SPATA31D1: variants seen among roughly 807,000 people sequenced by gnomAD.
SPATA31D1 encodes the protein SPATA31 subfamily D member 1.
In SPATA31D1, 6 loss-of-function variants were observed where a neutral mutation model predicts 13.2. The ratio of observed to expected loss-of-function variants is 0.46; its 90% CI spans 0.25 to 0.90. The LOEUF (loss-of-function observed/expected upper bound fraction) is 0.90, where lower values mean the gene tolerates loss of function less well. Among genes scored for constraint, SPATA31D1 ranks in the 40% least tolerant of loss-of-function variants. The pLI is 0.18. For missense variants in SPATA31D1, 2,445 were observed against 1,884.7 expected (o/e 1.30, Z -5.50); for synonymous variants, 903 against 718.8 (o/e 1.26, Z -4.10).
In SPATA31D1 at chr9:81,991,117, C is replaced by T; in HGVS notation, c.647C>T (p.Pro216Leu). 2 of 1,613,698 alleles carry T rather than the reference C, an allele frequency of 1.2e-6. No homozygotes were observed. Among genetic ancestry groups the T allele is most frequent in the Non-Finnish European group, 1.7e-6 (2 of 1,179,700 alleles). ...TTLADLFSPSPLRDPLPPQPV... is the reference protein window; with the variant it reads ...TTLADLFSPSLLRDPLPPQPV... ...TTAGCTGACTTATTTTCACCCTCAC[C>T]ACTGAGGGACCCTCTGCCACCACAG... Residue 216 changes from proline to leucine, a missense_variant, in exon 4 of 4, where the codon CCA (proline) becomes CTA (leucine). Pro to Leu is a moderately conservative substitution (Grantham distance 98). Coordinates refer to ENST00000344803, the MANE Select transcript of SPATA31D1 (RefSeq NM_001001670.3).
rs1376849246 is a variant in SPATA31D1, at chr9:81,991,452, T to G, written c.982T>G (p.Leu328Val). ...CATCTTGAAGACTTTTCCGGAAATGTTATCTCTAGGTGGCTCTGGTGGGTC... is the reference window on the plus strand; with the variant it reads ...CATCTTGAAGACTTTTCCGGAAATGGTATCTCTAGGTGGCTCTGGTGGGTC... Reference protein sequence around the residue: ...LTILKTFPEMLSLGGSGGSST... With the variant: ...LTILKTFPEMVSLGGSGGSST... Residue 328 changes from leucine (L) to valine (V), a missense_variant, in exon 4 of 4, where the codon TTA (leucine) becomes GTA (valine). Coordinates refer to ENST00000344803, the MANE Select transcript of SPATA31D1 (RefSeq NM_001001670.3). 3.7e-6 allele frequency: 6 copies of G among 1,614,028 alleles called. No homozygotes were observed. The highest frequency in any genetic ancestry group is 1.1e-5 in the South Asian group (1 of 91,082).
chr9:81,991,474 G>A lies in SPATA31D1; in HGVS notation c.1004G>A (p.Gly335Glu). The A allele has an allele frequency of 6.2e-7, 1 of 1,613,888 alleles. No homozygotes were observed. The highest frequency in any genetic ancestry group is 1.1e-5 in the South Asian group (1 of 91,080). Residue 335 changes from glycine to glutamate, a missense_variant, in exon 4 of 4, where the codon GGG (glycine) becomes GAG (glutamate). Coordinates refer to ENST00000344803, the MANE Select transcript of SPATA31D1 (RefSeq NM_001001670.3). ...PEMLSLGGSGGSSTSAPTIKG... is the reference protein window; with the variant it reads ...PEMLSLGGSGESSTSAPTIKG... ...ATGTTATCTCTAGGTGGCTCTGGTG[G>A]GTCATCCACCTCTGCCCCAACAATC...
rs1825052944 is a variant in SPATA31D1 at position 81,994,472 on chromosome 9, C to T, written c.4002C>T (p.Ser1334=). The T allele has an allele frequency of 6.2e-7, 1 of 1,613,194 alleles. No individual in the cohort carries two copies. The highest frequency in any genetic ancestry group is 8.5e-7 in the Non-Finnish European group (1 of 1,179,578). The change falls in exon 4 of 4, where the codon AGC becomes AGT. Residue 1334 remains serine, a synonymous_variant. Transcript: ENST00000344803. The part of the protein sequence containing the change: ...HNKTSGEVLG[S]KSSPTLKTQP... ...AGACATCAGGGGAGGTGCTTGGGAGCAAATCTTCCCCAACCTTGAAAACAC... is the reference window on the plus strand; with the variant it reads ...AGACATCAGGGGAGGTGCTTGGGAGTAAATCTTCCCCAACCTTGAAAACAC...
Position 81,994,612 on chromosome 9 carries a change from T to C in SPATA31D1, c.4142T>C (p.Leu1381Pro). 2.5e-6 allele frequency: 4 copies of C among 1,613,050 alleles called. No homozygotes were observed. The highest frequency in any genetic ancestry group is 1.7e-5 in the Admixed American group (1 of 59,854). Residue 1381 changes from leucine (L) to proline (P), a missense_variant, in exon 4 of 4, where the codon CTG becomes CCG. Coordinates refer to ENST00000344803, the MANE Select transcript of SPATA31D1 (RefSeq NM_001001670.3). ...AGTTCCTGGGAAAAGGGTAGCTCCCTGTCATCATGTGTGCAGAATATTGGT... is the reference window on the plus strand; with the variant it reads ...AGTTCCTGGGAAAAGGGTAGCTCCCCGTCATCATGTGTGCAGAATATTGGT... ...QESSWEKGSSLSSCVQNIGRV... is the reference protein window; with the variant it reads ...QESSWEKGSSPSSCVQNIGRV...
At position 81,991,297 on chromosome 9, in the gene SPATA31D1, C is replaced by G. The variant is rs538227393; in HGVS notation, c.827C>G (p.Ser276Cys). ...LSLNTIFSFG[S>C]TLCQDISQAM... is the part of the protein sequence containing the mutation. ...CTGAACACCATCTTTTCATTTGGCT[C>G]CACCCTATGCCAAGATATTTCGCAG... Residue 276 changes from serine (S) to cysteine (C), a missense_variant, in exon 4 of 4, where the codon TCC becomes TGC. Transcript: ENST00000344803. 1 of 1,614,026 alleles carries G rather than the reference C, an allele frequency of 6.2e-7. No homozygotes were observed. The highest frequency in any genetic ancestry group is 1.1e-5 in the South Asian group (1 of 91,088).
chr9:81,993,386 A>G lies in SPATA31D1; in HGVS notation c.2916A>G (p.Glu972=), dbSNP rs138953922. 2.3e-5 allele frequency: 37 copies of G among 1,614,008 alleles called. No homozygotes were observed. In the African/African-American group the frequency reaches 3.1e-4, roughly 13 times the overall value. The change falls in exon 4 of 4, where the codon GAA becomes GAG. Residue 972 remains glutamate, a synonymous_variant. Transcript: ENST00000344803. ...GTAGTCGAAGCACTTTTCAAGGAGA[A>G]AAGTTGGGAACAACAAGCTCAGTCC... The part of the protein sequence containing the change: ...KSRSRSTFQG[E]KLGTTSSVPI...
chr9:81,987,608 C>T (rs1211157473), upstream of SPATA31D1, among the ~76,000 whole-genome samples: 3 of 152,074 alleles, frequency 2.0e-5, no homozygotes, highest in African/African-American at 4.8e-5. Flanking sequence ...TCACTAACTT[C>T]AGAAAAGTAA....
chr9:81,993,756 A>G lies in SPATA31D1; in HGVS notation c.3286A>G (p.Ile1096Val), dbSNP rs368572276. Reference protein sequence around the residue: ...RQTFLPPPHSIVDEVSQKQTV... With the variant: ...RQTFLPPPHSVVDEVSQKQTV... ...GACTTTTCTGCCCCCGCCACACAGC[A>G]TCGTAGACGAAGTCAGTCAGAAACA... The change falls in exon 4 of 4, where the codon ATC (isoleucine) becomes GTC (valine). Residue 1096 changes from isoleucine (I) to valine (V), a missense_variant. Ile to Val is a conservative substitution (Grantham distance 29). Coordinates refer to ENST00000344803, the MANE Select transcript of SPATA31D1 (RefSeq NM_001001670.3). 6.2e-7 allele frequency: 1 copy of G among 1,613,930 alleles called. No individual in the cohort carries two copies. The highest frequency in any genetic ancestry group is 8.5e-7 in the Non-Finnish European group (1 of 1,179,906).
Position 81,994,794 on chromosome 9 carries a change from C to T in SPATA31D1, c.4324C>T (p.Gln1442Ter). ...CTTCCCAGTGGGGCTTGGGAAAGCT[C>T]AGCACAACCCAGAAGTGCATGTCAG... is the stretch of plus-strand genomic sequence containing the variant. ...LSFPVGLGKA[Q>*]HNPEVHVRAE... The change falls in exon 4 of 4, where the codon CAG (glutamine) becomes TAG (stop). Residue 1442 changes from glutamine (Q) to a stop codon, truncating the protein, a stop_gained. Transcript: ENST00000344803. LOFTEE classifies it low-confidence loss of function (END_TRUNC). 1 of 1,613,920 alleles carries T rather than the reference C, an allele frequency of 6.2e-7. No individual in the cohort carries two copies. Among genetic ancestry groups the T allele is most frequent in the Non-Finnish European group, 8.5e-7 (1 of 1,179,860 alleles).
rs1476594685 is a variant in SPATA31D1, at chr9:81,991,289, A to G, written c.819A>G (p.Ser273=). Residue 273 remains serine (S), a synonymous_variant, in exon 4 of 4, where the codon TCA becomes TCG. Transcript: ENST00000344803. ...GTTTGTCTCTGAACACCATCTTTTCATTTGGCTCCACCCTATGCCAAGATA... is the reference window on the plus strand; with the variant it reads ...GTTTGTCTCTGAACACCATCTTTTCGTTTGGCTCCACCCTATGCCAAGATA... ...EASLSLNTIF[S]FGSTLCQDIS... 6.2e-7 allele frequency: 1 copy of G among 1,613,872 alleles called. No homozygotes were observed.
chr9:81,993,343 A>T lies in SPATA31D1; in HGVS notation c.2873A>T (p.Asp958Val). 6.2e-7 allele frequency: 1 copy of T among 1,613,956 alleles called. No homozygotes were observed. The highest frequency in any genetic ancestry group is 1.3e-5 in the African/African-American group (1 of 75,008). ...ATFISQGDSKDGVSKSRSRST... is the reference protein window; with the variant it reads ...ATFISQGDSKVGVSKSRSRST... ...TTCATCTCTCAGGGAGATTCCAAAG[A>T]TGGGGTCTCTAAGTCCCGTAGTCGA... Residue 958 changes from aspartate (D) to valine (V), a missense_variant, in exon 4 of 4, where the codon GAT becomes GTT. Physicochemically the swap from Asp to Val is radical, Grantham distance 152. Coordinates refer to ENST00000344803, the MANE Select transcript of SPATA31D1 (RefSeq NM_001001670.3).
Position 81,991,271 on chromosome 9 carries a change from T to C in SPATA31D1, c.801T>C (p.Ser267=), listed in dbSNP as rs1824953055. The change falls in exon 4 of 4, where the codon TCT becomes TCC. Residue 267 remains serine (S), a synonymous_variant. Coordinates refer to ENST00000344803, the MANE Select transcript of SPATA31D1 (RefSeq NM_001001670.3). ...GCCTCCAACCTGAAGCCAGTTTGTC[T>C]CTGAACACCATCTTTTCATTTGGCT... ...ESSLQPEASL[S]LNTIFSFGST... 1 of 1,613,910 alleles carries C rather than the reference T, an allele frequency of 6.2e-7. No homozygotes were observed. Among genetic ancestry groups the C allele is most frequent in the African/African-American group, 1.3e-5 (1 of 74,928 alleles).
In SPATA31D1 at chr9:81,990,823, A is replaced by T; in HGVS notation, c.353A>T (p.Asn118Ile). ...CCTCGGGGCCAGCATCATGATACCAACCACTTTCGTCGACTGTTATGCCCA... is the reference window on the plus strand; with the variant it reads ...CCTCGGGGCCAGCATCATGATACCATCCACTTTCGTCGACTGTTATGCCCA... Reference protein sequence around the residue: ...CSPRGQHHDTNHFRRLLCPDP... With the variant: ...CSPRGQHHDTIHFRRLLCPDP... The change falls in exon 4 of 4, where the codon AAC (asparagine) becomes ATC (isoleucine). Residue 118 changes from asparagine to isoleucine, a missense_variant. Coordinates refer to ENST00000344803, the MANE Select transcript of SPATA31D1 (RefSeq NM_001001670.3). 1.2e-6 allele frequency: 2 copies of T among 1,613,530 alleles called. No individual in the cohort carries two copies. The highest frequency in any genetic ancestry group is 1.7e-6 in the Non-Finnish European group (2 of 1,179,746).
rs556150583 is a variant in SPATA31D1 at position 81,993,688 on chromosome 9, A to G, written c.3218A>G (p.Asn1073Ser). 6.2e-7 allele frequency: 1 copy of G among 1,613,866 alleles called. No homozygotes were observed. The highest frequency in any genetic ancestry group is 8.5e-7 in the Non-Finnish European group (1 of 1,179,812). ...AGAAGAGAATTCTCTGATACTGACA[A>G]TGATCTTACAGAAAGTGTCCGGACA... ...TLRREFSDTD[N>S]DLTESVRTTE... The change falls in exon 4 of 4, where the codon AAT (asparagine) becomes AGT (serine). Residue 1073 changes from asparagine to serine, a missense_variant. By Grantham distance (46) the Asn-to-Ser change is conservative. Coordinates refer to ENST00000344803, the MANE Select transcript of SPATA31D1 (RefSeq NM_001001670.3).
Position 81,994,713 on chromosome 9 carries a change from G to A in SPATA31D1, c.4243G>A (p.Glu1415Lys). 1 of 1,613,878 alleles carries A rather than the reference G, an allele frequency of 6.2e-7. No homozygotes were observed. ...GAAAGACACTAGGGAGTTCCTAGAA[G>A]AGAAGCTGGGGCATAGGCATGGGAT... ...IRKDTREFLE[E>K]KLGHRHGIDI... Residue 1415 changes from glutamate to lysine, a missense_variant, in exon 4 of 4, where the codon GAG (glutamate) becomes AAG (lysine). Coordinates refer to ENST00000344803, the MANE Select transcript of SPATA31D1 (RefSeq NM_001001670.3).
In SPATA31D1 at chr9:81,993,733, C is replaced by G. The variant is rs766697377; in HGVS notation, c.3263C>G (p.Thr1088Ser). The G allele has an allele frequency of 1.2e-6, 2 of 1,614,014 alleles. No individual in the cohort carries two copies. The highest frequency in any genetic ancestry group is 4.5e-5 in the East Asian group (2 of 44,870). Residue 1088 changes from threonine (T) to serine (S), a missense_variant, in exon 4 of 4, where the codon ACT becomes AGT. Transcript: ENST00000344803. ...CGGACAACAGAGGATGGCAGACAGA[C>G]TTTTCTGCCCCCGCCACACAGCATC... is the stretch of plus-strand genomic sequence containing the variant. ...SVRTTEDGRQ[T>S]FLPPPHSIVD... is the part of the protein sequence containing the mutation.
chr9:81,991,904 A>G lies in SPATA31D1; in HGVS notation c.1434A>G (p.Glu478=), dbSNP rs763304505. The G allele has an allele frequency of 2.7e-5, 44 of 1,613,656 alleles. No homozygotes were observed. Among genetic ancestry groups the G allele is most frequent in the Middle Eastern group, 3.3e-4 (2 of 6,078 alleles). ...TTTGGGCCAGTAAAGGCAAACTAGA[A>G]TGGCAGCACATCCATCAGCAGCCTC... ...FPFWASKGKL[E]WQHIHQQPPH... is the part of the protein sequence containing the mutation. Residue 478 remains glutamate (E), a synonymous_variant, in exon 4 of 4, where the codon GAA becomes GAG. Coordinates refer to ENST00000344803, the MANE Select transcript of SPATA31D1 (RefSeq NM_001001670.3).
intron 3 of SPATA31D1, 70 bp downstream of exon 3, chr9:81,990,556 C>T: frequency 6.8e-7 from 1 of 1,468,210 alleles, no homozygotes; most frequent in Non-Finnish European, 9.2e-7. Context: ...CTATTCATTT[C>T]AGGGATTCCT....
chr9:81,992,547 A>C lies in SPATA31D1; in HGVS notation c.2077A>C (p.Arg693=). The C allele has an allele frequency of 6.2e-7, 1 of 1,611,980 alleles. No homozygotes were observed. Among genetic ancestry groups the C allele is most frequent in the Admixed American group, 1.7e-5 (1 of 60,022 alleles). The change falls in exon 4 of 4, where the codon AGG becomes CGG. Residue 693 remains arginine (R), a synonymous_variant. Transcript: ENST00000344803. ...VRKKLEQHIR[R]RLIQRRWGLP... is the part of the protein sequence containing the mutation. Reference sequence around the variant, plus strand: ...GAAGAAACTAGAGCAACACATTCGAAGGAGGCTCATCCAGCGCAGATGGGG... The same window carrying C: ...GAAGAAACTAGAGCAACACATTCGACGGAGGCTCATCCAGCGCAGATGGGG...
Sources: allele counts gnomAD v4.1 joint callset (sites outside exome capture counted in the v4.1 genomes callset), GRCh38; gene constraint gnomAD v4.1.1; transcripts MANE v1.5; gene names NCBI Gene and HGNC (gene_info 2026-07-23, HGNC 2026-07-21).